The following GPC3 variants were observed in gnomAD, a reference collection of about 807,000 sequenced individuals.
GPC3 encodes glypican 3, also known as glypican-3.
GPC3 carries 3 observed loss-of-function variants against 34.4 expected under a neutral mutation model. The observed-to-expected ratio is 0.09, with a 90% CI of 0.04 to 0.23. The LOEUF is 0.23. GPC3 is among the 10% of genes least tolerant of loss of function. The pLI is 1.00. For synonymous variants in GPC3, 177 were observed against 174.0 expected (o/e 1.02, Z -0.13); for missense variants, 351 against 445.6 (o/e 0.79, Z 1.91).
intron 2 of GPC3, among the ~76,000 whole-genome samples, chrX:133,912,298 T>C (rs1046763451): frequency 1.8e-5 from 2 of 112,223 alleles, no homozygotes; most frequent in Non-Finnish European, 3.8e-5. Context: ...AAGGTCCCGT[T>C]TGGGAAGAGC....
chrX:133,621,927 C>T lies in GPC3; in HGVS notation c.1414-25328G>A, dbSNP rs771313913. 8.0e-5 allele frequency among the ~76,000 whole-genome samples: 9 copies of T among 112,089 alleles called. No homozygotes were observed. The East Asian group carries it at 8.5e-4, about 11-fold the overall frequency. On this transcript the variant is annotated intron_variant, in intron 6 of 7. Transcript: ENST00000370818. Reference sequence around the variant, plus strand: ...AGAAGGGGCCAACTGACACCACGTACGGCCAGGTGCCCCTCTGAGATGAAG... The same window carrying T: ...AGAAGGGGCCAACTGACACCACGTATGGCCAGGTGCCCCTCTGAGATGAAG...
intron 2 of GPC3, among the ~76,000 whole-genome samples, chrX:133,813,714 C>T (rs2075675967): frequency 8.9e-6 from 1 of 112,321 alleles, no homozygotes; most frequent in Non-Finnish European, 1.9e-5. Flanking sequence ...GCTAGTGGTG[C>T]ACGGAGCACC....
chrX:133,640,227 A>G (rs1187745099), intron 6 of GPC3, among the ~76,000 whole-genome samples: 1 of 111,743 alleles, frequency 8.9e-6, no homozygotes, highest in East Asian at 2.8e-4. Flanking sequence ...AATCTACACT[A>G]TTGATATTCC....
intron 5 of GPC3, among the ~76,000 whole-genome samples, chrX:133,685,002 A>G (rs1426400741): frequency 1.8e-5 from 2 of 110,458 alleles, no homozygotes; most frequent in African/African-American, 3.3e-5. Context: ...TACAACATAC[A>G]CTACTTGGGT....
rs1172168241 is a variant in GPC3, at chrX:133,631,509, C to T, written c.1413+30221G>A. ...TCTTATCCATTCATCTGTTGATAAA[C>T]ACTTGGGCTGCTATTATGCCAATAA... On this transcript the variant is annotated intron_variant, in intron 6 of 7. Transcript: ENST00000370818. Among the ~76,000 whole-genome samples, 3 of 111,723 alleles carry T rather than the reference C, an allele frequency of 2.7e-5. 1 individual carries two copies. The Admixed American group carries it at 2.9e-4, about 11-fold the overall frequency.
intron 2 of GPC3, among the ~76,000 whole-genome samples, chrX:133,761,450 G>A (rs1172251147): frequency 8.9e-6 from 1 of 112,091 alleles, no homozygotes; most frequent in East Asian, 2.8e-4. Flanking sequence ...TGACCAGCCT[G>A]TAAATATATA....
intron 3 of GPC3, among the ~76,000 whole-genome samples, chrX:133,730,180 A>C (rs539263487): frequency 8.9e-6 from 1 of 111,800 alleles, no homozygotes; most frequent in South Asian, 3.8e-4. Flanking sequence ...AACCTAGAAA[A>C]AATGCTTTAT....
At chrX:133,552,942 G>GA (rs2069448862) in intron 7 of GPC3, among the ~76,000 whole-genome samples, 3 of 111,781 alleles carry the variant, frequency 2.7e-5, no homozygotes, top group Non-Finnish European at 3.8e-5. Context: ...AAGATGCTAA[G>GA]TGGCTCAAAC....
intron 2 of GPC3, among the ~76,000 whole-genome samples, chrX:133,785,257 T>C (rs1404303157): frequency 9.0e-6 from 1 of 111,206 alleles, no homozygotes; most frequent in African/African-American, 3.3e-5. Flanking sequence ...GATCTGAGTA[T>C]CTCAAAGCCA....
rs978168400 is a variant in GPC3, at chrX:133,873,619, G to A, written c.337+79431C>T. ...ACTATCTATATAAGGGCATATTACA[G>A]AGCTCAGACACTCCAGGTTAAACAG... On this transcript the variant is annotated intron_variant, in intron 2 of 7. Coordinates refer to ENST00000370818, the MANE Select transcript of GPC3 (RefSeq NM_004484.4). Among the ~76,000 whole-genome samples, 6 of 111,300 alleles carry A rather than the reference G, an allele frequency of 5.4e-5. No individual in the cohort carries two copies. The Admixed American group carries it at 5.8e-4, about 11-fold the overall frequency.
chrX:133,763,463 TGAA>T, intron 2 of GPC3: 1 of 541,171 alleles, frequency 1.8e-6, no homozygotes, highest in East Asian at 3.3e-5. Context: ...AAGGCTGTGA[TGAA>T]GGAGGAATTT....
intron 7 of GPC3, among the ~76,000 whole-genome samples, chrX:133,594,156 A>G (rs1280759255): frequency 2.7e-5 from 3 of 112,181 alleles, no homozygotes; most frequent in Admixed American, 9.5e-5. Context: ...ATTACAAAGA[A>G]AGAATCGACA....
chrX:133,778,302 A>T (rs2072008963), intron 2 of GPC3, among the ~76,000 whole-genome samples: 1 of 111,829 alleles, frequency 8.9e-6, no homozygotes, highest in Admixed American at 9.5e-5. Flanking sequence ...CAAACCAAAA[A>T]CTCAAAAGCA....
At position 133,968,638 on chromosome X, in the gene GPC3, G is replaced by A. The variant is rs114136799; in HGVS notation, c.176-15427C>T. On this transcript the variant is annotated intron_variant, in intron 1 of 7. Transcript: ENST00000370818. Reference sequence around the variant, plus strand: ...ATAAATGTTAACGATTATTAGCACCGCCCCCATCACAGGTGCTCAATAAAA... The same window carrying A: ...ATAAATGTTAACGATTATTAGCACCACCCCCATCACAGGTGCTCAATAAAA... 3.9e-3 allele frequency among the ~76,000 whole-genome samples: 436 copies of A among 110,614 alleles called. 4 individuals are homozygous for A. Among genetic ancestry groups the A allele is most frequent in the African/African-American group, 0.013 (386 of 30,370 alleles).
chrX:133,867,930 G>A (rs2075975819), intron 2 of GPC3, among the ~76,000 whole-genome samples: 1 of 108,503 alleles, frequency 9.2e-6, no homozygotes, highest in South Asian at 4.2e-4. Context: ...CCAAACTCCA[G>A]GGAAGATCAT....
chrX:133,766,629 T>G (rs2071849070), intron 2 of GPC3, among the ~76,000 whole-genome samples: 1 of 112,201 alleles, frequency 8.9e-6, no homozygotes, highest in African/African-American at 3.2e-5. Context: ...GTATGTGTAC[T>G]CGTGCATGCA....
chrX:133,701,648 T>C (rs757621814), intron 3 of GPC3, among the ~76,000 whole-genome samples: 2 of 112,312 alleles, frequency 1.8e-5, no homozygotes, highest in Admixed American at 1.9e-4. Context: ...AGAATGGATT[T>C]TGTGCGTCTA....
intron 2 of GPC3, among the ~76,000 whole-genome samples, chrX:133,773,312 C>T (rs1471325889): frequency 2.7e-5 from 3 of 111,361 alleles, no homozygotes; most frequent in Admixed American, 9.6e-5. Flanking sequence ...AGAGCCCAGG[C>T]GGCCTGCATA....
intron 1 of GPC3, among the ~76,000 whole-genome samples, chrX:133,978,185 G>A (rs748359673): frequency 8.9e-6 from 1 of 112,115 alleles, no homozygotes; most frequent in East Asian, 2.8e-4. Context: ...CCCCTGCCTC[G>A]GCCTACCAAA....
Sources: gnomAD v4.1 joint callset for allele counts (sites outside exome capture counted in the v4.1 genomes callset) on GRCh38, gnomAD v4.1.1 for gene constraint, MANE v1.5 for transcripts, NCBI Gene and HGNC (gene_info 2026-07-23, HGNC 2026-07-21) for gene names.